The following SRRM4 variants were observed in gnomAD, a reference collection of about 807,000 sequenced individuals.
SRRM4 encodes serine/arginine repetitive matrix 4.
Under a neutral mutation model 68.9 loss-of-function variants are expected in SRRM4, and 33 were observed. That is an observed-to-expected ratio of 0.48 (90% CI 0.36 to 0.64). SRRM4 has a LOEUF of 0.64. Ranked by LOEUF, SRRM4 falls within the 30% of genes least tolerant of loss-of-function variation. The pLI is 0.00. For missense variants in SRRM4, 817 were observed against 827.1 expected (o/e 0.99, Z 0.15); for synonymous variants, 318 against 318.8 (o/e 1.00, Z 0.03).
At chr12:119,059,397 G>T (rs992938735) in intron 1 of SRRM4, among the ~76,000 whole-genome samples, 1 of 152,208 alleles carries the variant, frequency 6.6e-6, no homozygotes, top group Middle Eastern at 3.4e-3. Context: ...TACAGAAAAG[G>T]CACATTTATC....
At chr12:119,040,048 T>A (rs1193315626) in intron 1 of SRRM4, among the ~76,000 whole-genome samples, 1 of 152,066 alleles carries the variant, frequency 6.6e-6, no homozygotes, top group Non-Finnish European at 1.5e-5. Flanking sequence ...TATATGTAAC[T>A]TTCCCAATAT....
intron 1 of SRRM4, among the ~76,000 whole-genome samples, chr12:119,009,737 C>T (rs1953437120): frequency 6.6e-6 from 1 of 152,158 alleles, no homozygotes; most frequent in Non-Finnish European, 1.5e-5. Flanking sequence ...CTGCTGTATA[C>T]AGGCACTGTG....
rs115031641 is a variant in SRRM4 at position 119,025,825 on chromosome 12, G to T, written c.131+43812G>T. Among the ~76,000 whole-genome samples, 1,348 of 152,150 alleles carry T rather than the reference G, an allele frequency of 8.9e-3. 46 individuals carry two copies. The highest frequency in any genetic ancestry group is 0.031 in the African/African-American group (1,291 of 41,430). ...GAAAGCATCAGACCTCCATGAAAAT[G>T]ATCAGACCTTGAGCCAAGGAAAAAG... is the stretch of plus-strand genomic sequence containing the variant. On this transcript the variant is annotated intron_variant, in intron 1 of 12. Coordinates refer to ENST00000267260, the MANE Select transcript of SRRM4 (RefSeq NM_194286.4).
At position 118,993,964 on chromosome 12, in the gene SRRM4, G is replaced by A. The variant is rs552788012; in HGVS notation, c.131+11951G>A. ...CTGGGCGGAAGTGCGCTATGCCAATGGGTTGTCTGCACTAAGTTGGGCATC... is the reference window on the plus strand; with the variant it reads ...CTGGGCGGAAGTGCGCTATGCCAATAGGTTGTCTGCACTAAGTTGGGCATC... On this transcript the variant is annotated intron_variant, in intron 1 of 12. Transcript: ENST00000267260. The A allele has an allele frequency of 5.3e-5, 8 of 152,282 alleles. No homozygotes were observed. In the East Asian group the frequency reaches 1.2e-3, roughly 22 times the overall value. The allele number at this position is 152,282 out of a possible 1,614,324, so 9.4% of individuals were successfully genotyped here.
At chr12:119,110,676 G>C (rs1238586782) in intron 2 of SRRM4, among the ~76,000 whole-genome samples, 1 of 152,166 alleles carries the variant, frequency 6.6e-6, no homozygotes, top group Non-Finnish European at 1.5e-5. Context: ...CCATTGGAGA[G>C]GTGCAATATT....
intron 1 of SRRM4, among the ~76,000 whole-genome samples, chr12:119,005,071 A>G (rs926243453): frequency 6.6e-6 from 1 of 152,238 alleles, no homozygotes; most frequent in African/African-American, 2.4e-5. Flanking sequence ...AAACATAATA[A>G]AACTTTTACA....
chr12:119,107,462 G>A (rs1954114331), intron 2 of SRRM4, among the ~76,000 whole-genome samples: 1 of 152,046 alleles, frequency 6.6e-6, no homozygotes, highest in South Asian at 2.1e-4. Flanking sequence ...ACTTTTTTTG[G>A]TTGCTAGGTT....
Position 118,981,861 on chromosome 12 carries a change from C to A in SRRM4, c.-22C>A, listed in dbSNP as rs1486473515. 2.5e-6 allele frequency: 4 copies of A among 1,610,856 alleles called. No homozygotes were observed. The highest frequency in any genetic ancestry group is 2.2e-5 in the South Asian group (2 of 90,432). On this transcript the variant is annotated 5_prime_UTR_variant, in exon 1 of 13. Transcript: ENST00000267260. Reference sequence around the variant, plus strand: ...AGCACTTTGGACAGCGCCCCGGACGCCCCGGCCCCTTTGGGTTGGCGATGG... The same window carrying A: ...AGCACTTTGGACAGCGCCCCGGACGACCCGGCCCCTTTGGGTTGGCGATGG...
rs1565920920 is a variant in SRRM4, at chr12:119,154,403, G to GGGAC, written c.1532+21_1532+24dup. The GGGAC allele has an allele frequency of 1.2e-6, 2 of 1,610,356 alleles. No homozygotes were observed. Among genetic ancestry groups the GGGAC allele is most frequent in the Admixed American group, 3.3e-5 (2 of 59,852 alleles). On this transcript the variant is annotated intron_variant, in intron 12 of 12. Transcript: ENST00000267260. This position sits in a 1 kb window ranked among gnomAD's most constrained non-coding sequence, Gnocchi z 4.7. ...AACCAGGTGAGGCCAGGGGGCAAGG[G>GGGAC]GGACCCACCTTCATCCTCGTTCCCA...
chr12:119,005,142 A>C (rs745915638), intron 1 of SRRM4, among the ~76,000 whole-genome samples: 149 of 152,262 alleles, frequency 9.8e-4, no homozygotes, highest in Non-Finnish European at 1.6e-3. Flanking sequence ...GAGAAGGGAC[A>C]GTCAGGAACA....
In SRRM4 at chr12:119,122,113, A is replaced by C. The variant is rs1240159810; in HGVS notation, c.508A>C (p.Lys170Gln). The C allele has an allele frequency of 6.2e-7, 1 of 1,607,758 alleles. No homozygotes were observed. Among genetic ancestry groups the C allele is most frequent in the Non-Finnish European group, 8.5e-7 (1 of 1,174,320 alleles). Residue 170 changes from lysine (K) to glutamine (Q), a missense_variant, in exon 6 of 13, where the codon AAG becomes CAG. Lys to Gln is a moderately conservative substitution (Grantham distance 53). Transcript: ENST00000267260. ...CAAAAGAAGAGATGAGAAGAGGCAC[A>C]AGAAACAGTAAGTAGATACTACCTG... is the stretch of plus-strand genomic sequence containing the variant. ...KSKRRDEKRH[K>Q]KQSRSRPRKS...
chr12:119,123,430 C>T (rs933332806), intron 6 of SRRM4, among the ~76,000 whole-genome samples: 2 of 152,016 alleles, frequency 1.3e-5, no homozygotes, highest in African/African-American at 4.8e-5. Context: ...CTCGGTGTCA[C>T]TTGACCAGTG....
intron 1 of SRRM4, among the ~76,000 whole-genome samples, chr12:119,091,563 G>T (rs1954014517): frequency 6.6e-6 from 1 of 152,178 alleles, no homozygotes; most frequent in South Asian, 2.1e-4. Context: ...GATATTCAAA[G>T]TACCACCATG....
intron 1 of SRRM4, among the ~76,000 whole-genome samples, chr12:119,098,912 T>A (rs981105832): frequency 6.6e-6 from 1 of 152,184 alleles, no homozygotes; most frequent in Non-Finnish European, 1.5e-5. Context: ...GAGCTTGGAC[T>A]ATTGCAACCA....
At chr12:119,050,562 C>CT (rs1953736387) in intron 1 of SRRM4, among the ~76,000 whole-genome samples, 3 of 152,150 alleles carry the variant, frequency 2.0e-5, no homozygotes, top group Non-Finnish European at 4.4e-5. Flanking sequence ...GAGTGTAAGA[C>CT]CTTTAGGGGA....
At chr12:119,142,339 T>C (rs986472901) in intron 8 of SRRM4, among the ~76,000 whole-genome samples, 1 of 152,240 alleles carries the variant, frequency 6.6e-6, no homozygotes, top group Admixed American at 6.5e-5. Context: ...TAATGCCTTG[T>C]AGATTTCTCA....
chr12:119,032,120 C>G lies in SRRM4; in HGVS notation c.131+50107C>G, dbSNP rs112793554. ...CAGTTCATCTTTTCCTCACTCTTCT[C>G]ACCTGAGCAATGAGTGATGGTATAA... On this transcript the variant is annotated intron_variant, in intron 1 of 12. Transcript: ENST00000267260. Among the ~76,000 whole-genome samples, 155 of 152,246 alleles carry G rather than the reference C, an allele frequency of 1.0e-3. 2 individuals carry two copies. Among genetic ancestry groups the G allele is most frequent in the African/African-American group, 3.3e-3 (135 of 41,534 alleles).
chr12:119,127,534 C>A (rs886268154), intron 7 of SRRM4, among the ~76,000 whole-genome samples: 3 of 151,924 alleles, frequency 2.0e-5, no homozygotes, highest in Non-Finnish European at 2.9e-5. Context: ...TAGTGATCAC[C>A]CTGGCCAACA....
rs1383547367 is a variant in SRRM4 at position 118,981,865 on chromosome 12, G to T, written c.-18G>T. The T allele has an allele frequency of 6.2e-7, 1 of 1,611,410 alleles. No individual in the cohort carries two copies. Among genetic ancestry groups the T allele is most frequent in the African/African-American group, 1.3e-5 (1 of 74,872 alleles). Reference sequence around the variant, plus strand: ...CTTTGGACAGCGCCCCGGACGCCCCGGCCCCTTTGGGTTGGCGATGGCGAG... The same window carrying T: ...CTTTGGACAGCGCCCCGGACGCCCCTGCCCCTTTGGGTTGGCGATGGCGAG... On this transcript the variant is annotated 5_prime_UTR_variant, in exon 1 of 13. Coordinates refer to ENST00000267260, the MANE Select transcript of SRRM4 (RefSeq NM_194286.4).
Sources: allele counts gnomAD v4.1 joint callset (sites outside exome capture counted in the v4.1 genomes callset), GRCh38; gene constraint gnomAD v4.1.1; non-coding constraint Gnocchi (gnomAD v3.1); transcripts MANE v1.5; gene names NCBI Gene and HGNC (gene_info 2026-07-23, HGNC 2026-07-21).